FFAR4: variants seen among roughly 807,000 people sequenced by gnomAD.
FFAR4 encodes the protein free fatty acid receptor 4, also known as G-protein coupled receptor 120.
A neutral mutation model predicts 27.0 loss-of-function variants in FFAR4; 19 were observed. That is an observed-to-expected ratio of 0.70 (90% CI 0.49 to 1.03). The LOEUF is 1.03. Among genes scored for constraint, FFAR4 ranks in the 50% least tolerant of loss-of-function variants. The probability of loss-of-function intolerance (pLI) is 0.00; values close to 1 mark genes in which losing one functional copy is unlikely to be tolerated. For missense variants in FFAR4, 476 were observed against 479.0 expected (o/e 0.99, Z 0.06); for synonymous variants, 254 against 215.6 (o/e 1.18, Z -1.56).
intron 1 of FFAR4, among the ~76,000 whole-genome samples, chr10:93,569,936 G>A (rs2058122437): frequency 6.6e-6 from 1 of 151,810 alleles, no homozygotes; most frequent in Non-Finnish European, 1.5e-5. Flanking sequence ...GCATGCACCT[G>A]TAGTCCCAGC....
At chr10:93,585,023 T>C (rs1376154989) in intron 2 of FFAR4, among the ~76,000 whole-genome samples, 1 of 152,166 alleles carries the variant, frequency 6.6e-6, no homozygotes, top group Non-Finnish European at 1.5e-5. Context: ...ACAAGTATTC[T>C]AACGGGAATA....
chr10:93,576,298 C>T lies in FFAR4; in HGVS notation c.696+79C>T, dbSNP rs1228948690. 7 of 1,474,342 alleles carry T rather than the reference C, an allele frequency of 4.7e-6. No homozygotes were observed. The East Asian group carries it at 9.1e-5, about 19-fold the overall frequency. 91.3% of individuals were successfully genotyped at this position (1,474,342 alleles called of 1,614,324 possible). On this transcript the variant is annotated intron_variant, in intron 2 of 2. Transcript: ENST00000371481. Reference sequence around the variant, plus strand: ...CTGCTAGAATCTTAGAATTTGGGGTCGGAGAACACCTAAGAGTTCACGCCA... The same window carrying T: ...CTGCTAGAATCTTAGAATTTGGGGTTGGAGAACACCTAAGAGTTCACGCCA...
chr10:93,582,400 CA>C (rs1462305722), intron 2 of FFAR4, among the ~76,000 whole-genome samples: 2 of 151,970 alleles, frequency 1.3e-5, no homozygotes, highest in African/African-American at 2.4e-5. Flanking sequence ...CACAATTAGC[CA>C]GGTGTAGTGG....
chr10:93,582,994 A>G (rs1306019270), intron 2 of FFAR4, among the ~76,000 whole-genome samples: 1 of 152,068 alleles, frequency 6.6e-6, no homozygotes, highest in Non-Finnish European at 1.5e-5. Flanking sequence ...TGCCCCCATG[A>G]TCCAAACACC....
At chr10:93,575,556 G>A (rs1433252667) in intron 1 of FFAR4, among the ~76,000 whole-genome samples, 1 of 152,200 alleles carries the variant, frequency 6.6e-6, no homozygotes, top group Non-Finnish European at 1.5e-5. Flanking sequence ...GATGCAGCTC[G>A]ACACACTTTA....
At chr10:93,581,314 C>A (rs975832534) in intron 2 of FFAR4, among the ~76,000 whole-genome samples, 15 of 152,226 alleles carry the variant, frequency 9.9e-5, no homozygotes, top group Non-Finnish European at 1.8e-4. Flanking sequence ...CACGCCTGAC[C>A]TGCATTCCCC....
intron 2 of FFAR4, among the ~76,000 whole-genome samples, chr10:93,576,908 G>A (rs149273964): frequency 3.4e-4 from 52 of 152,262 alleles, no homozygotes; most frequent in African/African-American, 1.0e-3. Flanking sequence ...AAAGCACACT[G>A]AGCATAGGTG....
rs41290218 is a variant in FFAR4, at chr10:93,587,624, C to T, written c.*15C>T. The stretch of plus-strand genomic sequence containing the variant: ...TTTCTGGCTAATTTTTCTTTATAGC[C>T]GAGTTTCTCACACCTGGCGAGCTGT... On this transcript the variant is annotated 3_prime_UTR_variant, in exon 3 of 3. Coordinates refer to ENST00000371481, the MANE Select transcript of FFAR4 (RefSeq NM_001195755.2). 9.3e-5 allele frequency: 149 copies of T among 1,603,952 alleles called. 2 individuals carry two copies. The East Asian group carries it at 2.8e-3, about 30-fold the overall frequency.
chr10:93,574,601 G>A (rs1205849791), intron 1 of FFAR4, among the ~76,000 whole-genome samples: 3 of 152,034 alleles, frequency 2.0e-5, no homozygotes, highest in Non-Finnish European at 4.4e-5. Context: ...AAAGAAACAG[G>A]TTTCTGGCCG....
rs762286533 is a variant in FFAR4 at position 93,567,044 on chromosome 10, C to T, written c.324C>T (p.Pro108=). ...VRWTEAWLLG[P]VACHLLFYVM... is the part of the protein sequence containing the mutation. ...GGACTGAGGCCTGGCTGCTGGGCCC[C>T]GTTGCCTGCCACCTGCTCTTCTACG... The change falls in exon 1 of 3, where the codon CCC becomes CCT. Residue 108 remains proline (P), a synonymous_variant. Transcript: ENST00000371481. 3.1e-6 allele frequency: 5 copies of T among 1,611,384 alleles called. No individual in the cohort carries two copies. In the African/African-American group the frequency reaches 5.3e-5, roughly 17 times the overall value.
chr10:93,567,326 G>T (rs1181345657), intron 1 of FFAR4, 39 bp downstream of exon 1: 3 of 1,565,964 alleles, frequency 1.9e-6, no homozygotes, highest in Admixed American at 1.8e-5. Flanking sequence ...GGTGTCCTGC[G>T]CAGGCTGGGA....
chr10:93,571,615 C>T (rs1233553373), intron 1 of FFAR4, among the ~76,000 whole-genome samples: 5 of 152,178 alleles, frequency 3.3e-5, no homozygotes, highest in Admixed American at 6.5e-5. Flanking sequence ...GTCATGTGAA[C>T]GTTCATGTGT....
chr10:93,582,752 G>C (rs1028304858), intron 2 of FFAR4, among the ~76,000 whole-genome samples: 2 of 152,110 alleles, frequency 1.3e-5, no homozygotes, highest in African/African-American at 4.8e-5. Context: ...CTGCTTTAAA[G>C]AACTGCCTGA....
chr10:93,577,568 G>T (rs1413541246), intron 2 of FFAR4, among the ~76,000 whole-genome samples: 2 of 152,206 alleles, frequency 1.3e-5, no homozygotes, highest in Non-Finnish European at 2.9e-5. Context: ...TGGAGTTAAG[G>T]TCTGGACAGT....
At chr10:93,577,163 C>G (rs1663494506) in intron 2 of FFAR4, among the ~76,000 whole-genome samples, 2 of 152,146 alleles carry the variant, frequency 1.3e-5, no homozygotes, top group African/African-American at 4.8e-5. Context: ...AGTTGCCTGC[C>G]CAGGCAAACA....
chr10:93,573,873 T>TCTG (rs2058146542), intron 1 of FFAR4, among the ~76,000 whole-genome samples: 1 of 152,230 alleles, frequency 6.6e-6, no homozygotes, highest in Non-Finnish European at 1.5e-5. Context: ...ATCATGGTGG[T>TCTG]CTGTGTTTCA....
At chr10:93,579,675 T>C (rs928596293) in intron 2 of FFAR4, among the ~76,000 whole-genome samples, 2 of 152,238 alleles carry the variant, frequency 1.3e-5, no homozygotes, top group Non-Finnish European at 2.9e-5. Context: ...GATCAGAGCC[T>C]GGCTCATTCA....
Position 93,566,707 on chromosome 10 carries a change from G to T in FFAR4, c.-14G>T, listed in dbSNP as rs764092418. 14 of 1,541,846 alleles carry T rather than the reference G, an allele frequency of 9.1e-6. No homozygotes were observed. The African/African-American group carries it at 1.2e-4, about 14-fold the overall frequency. The stretch of plus-strand genomic sequence containing the variant: ...GCACTCTCTCAGACCGCTGCGGGCC[G>T]CCAGGCGCCGGGAATGTCCCCTGAA... On this transcript the variant is annotated 5_prime_UTR_variant, in exon 1 of 3. Transcript: ENST00000371481.
chr10:93,584,532 CCGGCCACA>C (rs1409314136), intron 2 of FFAR4, among the ~76,000 whole-genome samples: 1 of 152,120 alleles, frequency 6.6e-6, no homozygotes, highest in African/African-American at 2.4e-5. Flanking sequence ...CGGCACAGTG[CCGGCCACA>C]CGGAAGCCCT....
Sources: allele counts gnomAD v4.1 joint callset (sites outside exome capture counted in the v4.1 genomes callset), GRCh38; gene constraint gnomAD v4.1.1; transcripts MANE v1.5; gene names NCBI Gene and HGNC (gene_info 2026-07-23, HGNC 2026-07-21).